Variants in PCDHB4 observed in about 807,000 individuals in gnomAD.
The protein encoded by PCDHB4 is protocadherin beta 4.
For missense variants in PCDHB4, 1,063 were observed against 1,007.0 expected, an observed-to-expected ratio of 1.06 and a Z score of -0.75; for synonymous variants, 482 against 447.3, an observed-to-expected ratio of 1.08 and a Z score of -0.98.
Position 141,122,568 on chromosome 5 carries a change from C to T in PCDHB4, c.570C>T (p.Tyr190=). Residue 190 remains tyrosine (Y), a synonymous_variant, in exon 1 of 1, where the codon TAC becomes TAT. Coordinates refer to ENST00000194152, the MANE Select transcript of PCDHB4 (RefSeq NM_018938.4). ...GAAATCATAGTGAGGGCAAGAAATA[C>T]CCAGATTTGGTGCAGGACAAACCAC... ...LTRNHSEGKK[Y]PDLVQDKPLD... 1 of 1,614,194 alleles carries T rather than the reference C, an allele frequency of 6.2e-7. No homozygotes were observed. Among genetic ancestry groups the T allele is most frequent in the Non-Finnish European group, 8.5e-7 (1 of 1,180,030 alleles).
In PCDHB4 at chr5:141,123,461, C is replaced by T; in HGVS notation, c.1463C>T (p.Ser488Leu). 1.9e-6 allele frequency: 3 copies of T among 1,613,192 alleles called. No homozygotes were observed. The highest frequency in any genetic ancestry group is 2.5e-6 in the Non-Finnish European group (3 of 1,180,044). Residue 488 changes from serine to leucine, a missense_variant, in exon 1 of 1, where the codon TCG (serine) becomes TTG (leucine). Ser to Leu is a moderately radical substitution (Grantham distance 145). Coordinates refer to ENST00000194152, the MANE Select transcript of PCDHB4 (RefSeq NM_018938.4). ...DSGTNAQVTY[S>L]LLPPQDPHLP... ...GGCACCAACGCCCAGGTCACCTACT[C>T]GCTGCTGCCGCCCCAGGACCCGCAC...
Position 141,125,179 on chromosome 5 carries a change from A to G in PCDHB4, c.*793A>G, listed in dbSNP as rs1752389850. The G allele has an allele frequency of 6.6e-6, 1 of 152,190 alleles. No individual in the cohort carries two copies. Among genetic ancestry groups the G allele is most frequent in the Non-Finnish European group, 1.5e-5 (1 of 68,018 alleles). 9.4% of individuals were successfully genotyped at this position (152,190 alleles called of 1,614,324 possible). A position where few individuals can be genotyped will look rare whatever the true frequency, so the allele number is the denominator to read the frequency against. ...TCATGGCCTGATATCATCTTAAAAA[A>G]AAATCTCAGAATCTGAAATAAGCCC... On this transcript the variant is annotated 3_prime_UTR_variant, in exon 1 of 1. Transcript: ENST00000194152.
In PCDHB4 at chr5:141,121,993, T is replaced by C. The variant is rs1554274253; in HGVS notation, c.-6T>C. ...GGGGATTGGATATAGGGACCTGGAC[T>C]CCAACATGAAGAAGCTAGGGAGAAT... is the stretch of plus-strand genomic sequence containing the variant. On this transcript the variant is annotated 5_prime_UTR_variant, in exon 1 of 1. Transcript: ENST00000194152. 1 of 1,569,456 alleles carries C rather than the reference T, an allele frequency of 6.4e-7. No individual in the cohort carries two copies. Among genetic ancestry groups the C allele is most frequent in the Non-Finnish European group, 8.6e-7 (1 of 1,158,088 alleles).
Position 141,122,575 on chromosome 5 carries a change from T to C in PCDHB4, c.577T>C (p.Leu193=). 1 of 1,614,200 alleles carries C rather than the reference T, an allele frequency of 6.2e-7. No homozygotes were observed. Among genetic ancestry groups the C allele is most frequent in the South Asian group, 1.1e-5 (1 of 91,078 alleles). The change falls in exon 1 of 1, where the codon TTG becomes CTG. Residue 193 remains leucine (L), a synonymous_variant. Transcript: ENST00000194152. ...TAGTGAGGGCAAGAAATACCCAGAT[T>C]TGGTGCAGGACAAACCACTGGATCG... The part of the protein sequence containing the change: ...NHSEGKKYPD[L]VQDKPLDREE...
At position 141,123,741 on chromosome 5, in the gene PCDHB4, G is replaced by A. The variant is rs368697002; in HGVS notation, c.1743G>A (p.Pro581=). The change falls in exon 1 of 1, where the codon CCG becomes CCA. Residue 581 remains proline, a synonymous_variant. Transcript: ENST00000194152. ...AGCTGGTGCCCCGGGCGGCCGAGCC[G>A]GGCTACCTGGTGACCAAGGTGGTGG... ...CTELVPRAAE[P]GYLVTKVVAV... is the part of the protein sequence containing the mutation. 9 of 1,610,260 alleles carry A rather than the reference G, an allele frequency of 5.6e-6. No homozygotes were observed. In the African/African-American group the frequency reaches 1.2e-4, roughly 22 times the overall value.
chr5:141,123,798 G>T lies in PCDHB4; in HGVS notation c.1800G>T (p.Trp600Cys). The change falls in exon 1 of 1, where the codon TGG becomes TGT. Residue 600 changes from tryptophan to cysteine, a missense_variant. Coordinates refer to ENST00000194152, the MANE Select transcript of PCDHB4 (RefSeq NM_018938.4). ...ACGGCGACTCGGGCCAGAACGCCTG[G>T]CTGTCGTACCAGCTGCTCAAGGCCA... Reference protein sequence around the residue: ...AVDGDSGQNAWLSYQLLKATE... With the variant: ...AVDGDSGQNACLSYQLLKATE... 1 of 1,609,970 alleles carries T rather than the reference G, an allele frequency of 6.2e-7. No homozygotes were observed. The highest frequency in any genetic ancestry group is 8.5e-7 in the Non-Finnish European group (1 of 1,179,698).
chr5:141,121,820 A>G lies in PCDHB4; in HGVS notation c.-179A>G. The stretch of plus-strand genomic sequence containing the variant: ...TGTCGCTAGACGCAATCAAAAACAC[A>G]CGGAAGAAGCGTTACAAGCAGTGCA... On this transcript the variant is annotated 5_prime_UTR_variant, in exon 1 of 1. Transcript: ENST00000194152. 1 of 517,810 alleles carries G rather than the reference A, an allele frequency of 1.9e-6. No homozygotes were observed. Among genetic ancestry groups the G allele is most frequent in the Non-Finnish European group, 3.4e-6 (1 of 292,304 alleles). The allele number at this position is 517,810 out of a possible 1,614,324, so 32.1% of individuals were successfully genotyped here.
rs1554274567 is a variant in PCDHB4 at position 141,123,555 on chromosome 5, C to T, written c.1557C>T (p.Asp519=). 6.2e-7 allele frequency: 1 copy of T among 1,612,938 alleles called. No individual in the cohort carries two copies. Among genetic ancestry groups the T allele is most frequent in the Non-Finnish European group, 8.5e-7 (1 of 1,179,910 alleles). Residue 519 remains aspartate (D), a synonymous_variant, in exon 1 of 1, where the codon GAC becomes GAT. Coordinates refer to ENST00000194152, the MANE Select transcript of PCDHB4 (RefSeq NM_018938.4). ...ACCTGTTCGCCCTCAGGTCGCTGGA[C>T]TACGAGGCCCTGCAGGCGTTCGAGT... ...NGHLFALRSL[D]YEALQAFEFR...
In PCDHB4 at chr5:141,123,697, G is replaced by A. The variant is rs781862667; in HGVS notation, c.1699G>A (p.Gly567Ser). ...CTTCGTGCTGTACCCGCTGCAGAAT[G>A]GCTCCGCGCCCTGCACCGAGCTGGT... is the stretch of plus-strand genomic sequence containing the variant. ...SPFVLYPLQN[G>S]SAPCTELVPR... Residue 567 changes from glycine (G) to serine (S), a missense_variant, in exon 1 of 1, where the codon GGC becomes AGC. Gly to Ser is a moderately conservative substitution (Grantham distance 56). Coordinates refer to ENST00000194152, the MANE Select transcript of PCDHB4 (RefSeq NM_018938.4). 20 of 1,611,046 alleles carry A rather than the reference G, an allele frequency of 1.2e-5. No homozygotes were observed. Among genetic ancestry groups the A allele is most frequent in the African/African-American group, 4.0e-5 (3 of 74,864 alleles).
chr5:141,123,453 C>A lies in PCDHB4; in HGVS notation c.1455C>A (p.Val485=), dbSNP rs782590946. 63 of 1,612,764 alleles carry A rather than the reference C, an allele frequency of 3.9e-5. No individual in the cohort carries two copies. The East Asian group carries it at 4.2e-4, about 11-fold the overall frequency. The change falls in exon 1 of 1, where the codon GTC becomes GTA. Residue 485 remains valine (V), a synonymous_variant. Transcript: ENST00000194152. ...TDRDSGTNAQ[V]TYSLLPPQDP... is the part of the protein sequence containing the mutation. ...GAGACTCGGGCACCAACGCCCAGGT[C>A]ACCTACTCGCTGCTGCCGCCCCAGG...
rs1752292702 is a variant in PCDHB4, at chr5:141,122,031, GC to G, written c.34del (p.Gln12LysfsTer7). On this transcript the variant is annotated frameshift_variant, in exon 1 of 1. Coordinates refer to ENST00000194152, the MANE Select transcript of PCDHB4 (RefSeq NM_018938.4). LOFTEE classifies it low-confidence loss of function (END_TRUNC). ...AGCTAGGGAGAATTCATCCAAACAG[GC>G]AAGTGTTGGCCTTTATTTTGATGGT... ...KKLGRIHPNR[Q>X]VLAFILMVFL... 1.2e-6 allele frequency: 2 copies of G among 1,609,758 alleles called. No homozygotes were observed. Among genetic ancestry groups the G allele is most frequent in the South Asian group, 1.1e-5 (1 of 90,324 alleles).
rs149340599 is a variant in PCDHB4 at position 141,122,851 on chromosome 5, G to C, written c.853G>C (p.Asp285His). The C allele has an allele frequency of 5.9e-3, 9,577 of 1,613,980 alleles. 145 individuals carry two copies. Among genetic ancestry groups the C allele is most frequent in the South Asian group, 0.041 (3,719 of 91,056 alleles). ...TTCTTATGGCTTATTCCAAGCATCA[G>C]ATGAAATTAAACAAACTTTCTCAAT... Reference protein sequence around the residue: ...SVSYGLFQASDEIKQTFSINE... With the variant: ...SVSYGLFQASHEIKQTFSINE... Residue 285 changes from aspartate to histidine, a missense_variant, in exon 1 of 1, where the codon GAT becomes CAT. Asp to His is a moderately conservative substitution (Grantham distance 81). Coordinates refer to ENST00000194152, the MANE Select transcript of PCDHB4 (RefSeq NM_018938.4).
In PCDHB4 at chr5:141,124,503, C is replaced by A; in HGVS notation, c.*117C>A. On this transcript the variant is annotated 3_prime_UTR_variant, in exon 1 of 1. Transcript: ENST00000194152. Reference sequence around the variant, plus strand: ...TATTCATACCACAATTTCAAACCTACTCATGTCCCTGATAAAGCTAAATTT... The same window carrying A: ...TATTCATACCACAATTTCAAACCTAATCATGTCCCTGATAAAGCTAAATTT... The A allele has an allele frequency of 1.1e-6, 1 of 894,804 alleles. No homozygotes were observed. Among genetic ancestry groups the A allele is most frequent in the South Asian group, 2.0e-5 (1 of 49,616 alleles). The allele number at this position is 894,804 out of a possible 1,614,324, so 55.4% of individuals were successfully genotyped here. A position where few individuals can be genotyped will look rare whatever the true frequency, so the allele number is the denominator to read the frequency against.
Position 141,123,624 on chromosome 5 carries a change from C to G in PCDHB4, c.1626C>G (p.Ser542Arg). The G allele has an allele frequency of 6.2e-7, 1 of 1,612,030 alleles. No homozygotes were observed. The highest frequency in any genetic ancestry group is 8.5e-7 in the Non-Finnish European group (1 of 1,179,774). ...ACCGCGGTTCTCCGGCTTTGAGCAG[C>G]GAGGCGCTGGTGCGCGTGCTGGTGC... The part of the protein sequence containing the change: ...ASDRGSPALS[S>R]EALVRVLVLD... Residue 542 changes from serine (S) to arginine (R), a missense_variant, in exon 1 of 1, where the codon AGC becomes AGG. Coordinates refer to ENST00000194152, the MANE Select transcript of PCDHB4 (RefSeq NM_018938.4).
rs1461350904 is a variant in PCDHB4 at position 141,125,223 on chromosome 5, C to T, written c.*837C>T. Reference sequence around the variant, plus strand: ...TAAGCCCTAAATTTCTCCCCAAAATCAAGACTCTTGAGAGCATCATAGGTC... The same window carrying T: ...TAAGCCCTAAATTTCTCCCCAAAATTAAGACTCTTGAGAGCATCATAGGTC... On this transcript the variant is annotated 3_prime_UTR_variant, in exon 1 of 1. Transcript: ENST00000194152. The T allele has an allele frequency of 3.9e-5, 6 of 152,076 alleles. No homozygotes were observed. The highest frequency in any genetic ancestry group is 7.2e-5 in the African/African-American group (3 of 41,406). 9.4% of individuals were successfully genotyped at this position (152,076 alleles called of 1,614,324 possible). A position where few individuals can be genotyped will look rare whatever the true frequency, so the allele number is the denominator to read the frequency against.
At position 141,124,455 on chromosome 5, in the gene PCDHB4, A is replaced by G. The variant is rs1554274798; in HGVS notation, c.*69A>G. 2.3e-6 allele frequency: 3 copies of G among 1,301,236 alleles called. No individual in the cohort carries two copies. The highest frequency in any genetic ancestry group is 3.2e-6 in the Non-Finnish European group (3 of 950,072). The allele number at this position is 1,301,236 out of a possible 1,614,324, so 80.6% of individuals were successfully genotyped here. On this transcript the variant is annotated 3_prime_UTR_variant, in exon 1 of 1. Coordinates refer to ENST00000194152, the MANE Select transcript of PCDHB4 (RefSeq NM_018938.4). ...CTTCCCACTGCAATGCCTTTATTTA[A>G]AAAAATTGTCTACTTATCTAAATAT...
Position 141,122,090 on chromosome 5 carries a change from G to A in PCDHB4, c.92G>A (p.Arg31His), listed in dbSNP as rs1425672587. 4.3e-6 allele frequency: 7 copies of A among 1,614,048 alleles called. No homozygotes were observed. The African/African-American group carries it at 8.0e-5, about 18-fold the overall frequency. The change falls in exon 1 of 1, where the codon CGT (arginine) becomes CAT (histidine). Residue 31 changes from arginine to histidine, a missense_variant. By Grantham distance (29) the Arg-to-His change is conservative. Transcript: ENST00000194152. ...TCTCAGGTTCGCCTCGAGCCTATTC[G>A]TTATTCTGTGTTGGAGGAAACAGAG... ...FLSQVRLEPI[R>H]YSVLEETESG...
chr5:141,123,185 T>G lies in PCDHB4; in HGVS notation c.1187T>G (p.Leu396Trp), dbSNP rs1364395869. 5.0e-6 allele frequency: 8 copies of G among 1,613,932 alleles called. No homozygotes were observed. In the East Asian group the frequency reaches 1.3e-4, roughly 27 times the overall value. The change falls in exon 1 of 1, where the codon TTG becomes TGG. Residue 396 changes from leucine to tryptophan, a missense_variant. Physicochemically the swap from Leu to Trp is moderately conservative, Grantham distance 61 (BLOSUM62 -2). Transcript: ENST00000194152. ...CTACCGTTTATTCTAAAACCAACTTTGAAGAATTTTTACACCCTGGTAACA... is the reference window on the plus strand; with the variant it reads ...CTACCGTTTATTCTAAAACCAACTTGGAAGAATTTTTACACCCTGGTAACA... ...DNLPFILKPT[L>W]KNFYTLVTER...
In PCDHB4 at chr5:141,125,219, A is replaced by G. The variant is rs1752390535; in HGVS notation, c.*833A>G. The G allele has an allele frequency of 2.0e-5, 3 of 152,126 alleles. No homozygotes were observed. The highest frequency in any genetic ancestry group is 2.1e-4 in the South Asian group (1 of 4,822). The allele number at this position is 152,126 out of a possible 1,614,324, so 9.4% of individuals were successfully genotyped here. On this transcript the variant is annotated 3_prime_UTR_variant, in exon 1 of 1. Coordinates refer to ENST00000194152, the MANE Select transcript of PCDHB4 (RefSeq NM_018938.4). ...GAAATAAGCCCTAAATTTCTCCCCA[A>G]AATCAAGACTCTTGAGAGCATCATA...
Sources: allele counts gnomAD v4.1 joint callset, GRCh38; gene constraint gnomAD v4.1.1; transcripts MANE v1.5; gene names NCBI Gene and HGNC (gene_info 2026-07-23, HGNC 2026-07-21).